Variants in GSTCD observed in about 807,000 individuals in gnomAD.
GSTCD encodes glutathione S-transferase C-terminal domain-containing protein.
In GSTCD, 44 loss-of-function variants were observed where a neutral mutation model predicts 68.3. The ratio of observed to expected loss-of-function variants is 0.64; its 90% CI spans 0.51 to 0.83. The LOEUF (loss-of-function observed/expected upper bound fraction) is 0.83. Ranked by LOEUF, GSTCD falls within the 40% of genes least tolerant of loss-of-function variation. The pLI is 0.00. For missense variants in GSTCD, 739 were observed against 735.9 expected, an observed-to-expected ratio of 1.00 and a Z score of -0.05; for synonymous variants, 273 against 255.2, an observed-to-expected ratio of 1.07 and a Z score of -0.67.
intron 5 of GSTCD, among the ~76,000 whole-genome samples, chr4:105,745,832 T>C (rs1196574765): frequency 6.6e-6 from 1 of 152,164 alleles, no homozygotes; most frequent in Non-Finnish European, 1.5e-5. Flanking sequence ...GATAGGTGCT[T>C]AGGTGTTGTT....
chr4:105,710,387 CTTTT>C (rs70941210), intron 1 of GSTCD, among the ~76,000 whole-genome samples: 1 of 123,708 alleles, frequency 8.1e-6, no homozygotes, highest in Non-Finnish European at 1.7e-5. Flanking sequence ...CACTCGGCTC[CTTTT>C]TTTTTTTTTT....
chr4:105,772,369 A>G (rs1299490896), intron 5 of GSTCD, among the ~76,000 whole-genome samples: 2 of 152,158 alleles, frequency 1.3e-5, no homozygotes, highest in African/African-American at 4.8e-5. Context: ...CTCTTGCCTG[A>G]TTGCCCTGAC....
intron 5 of GSTCD, among the ~76,000 whole-genome samples, chr4:105,750,158 C>T (rs910747544): frequency 1.3e-5 from 2 of 152,166 alleles, no homozygotes; most frequent in African/African-American, 4.8e-5. Context: ...CGGAATGTCT[C>T]GAATTGAAAA....
chr4:105,841,559 G>T (rs1270958699), intron 10 of GSTCD, among the ~76,000 whole-genome samples: 1 of 152,100 alleles, frequency 6.6e-6, no homozygotes, highest in Non-Finnish European at 1.5e-5. Context: ...GGCCAGCTGG[G>T]CATGGTGGCT....
chr4:105,824,258 A>G (rs1035562902), intron 7 of GSTCD, among the ~76,000 whole-genome samples: 9 of 152,202 alleles, frequency 5.9e-5, no homozygotes, highest in Non-Finnish European at 7.3e-5. Flanking sequence ...AGGAAAATAA[A>G]TAAGGAATCC....
intron 5 of GSTCD, among the ~76,000 whole-genome samples, chr4:105,810,628 C>G (rs1200574231): frequency 6.6e-6 from 1 of 151,970 alleles, no homozygotes; most frequent in African/African-American, 2.4e-5. Context: ...ACTTTATGTT[C>G]TCAGGATATT....
intron 1 of GSTCD, chr4:105,711,174 A>C (rs190307214): frequency 3.3e-5 from 5 of 152,320 alleles, no homozygotes; most frequent in Admixed American, 3.3e-4. Context: ...AGCATAAAAC[A>C]CAAGATAAGT....
At chr4:105,767,560 G>GC (rs1734667079) in intron 5 of GSTCD, among the ~76,000 whole-genome samples, 1 of 151,954 alleles carries the variant, frequency 6.6e-6, no homozygotes, top group African/African-American at 2.4e-5. Flanking sequence ...TTGACAAGTG[G>GC]CACATTTTCT....
At chr4:105,805,492 A>G (rs1332359048) in intron 5 of GSTCD, among the ~76,000 whole-genome samples, 1 of 151,960 alleles carries the variant, frequency 6.6e-6, no homozygotes, top group African/African-American at 2.4e-5. Context: ...TTCATCTGTC[A>G]TTTTGGGAGG....
intron 5 of GSTCD, among the ~76,000 whole-genome samples, chr4:105,813,931 A>C (rs1335178006): frequency 6.6e-6 from 1 of 152,178 alleles, no homozygotes; most frequent in Non-Finnish European, 1.5e-5. Context: ...CTGGAATGTA[A>C]ACATCACTCT....
At chr4:105,803,649 G>C (rs1736190771) in intron 5 of GSTCD, among the ~76,000 whole-genome samples, 1 of 151,456 alleles carries the variant, frequency 6.6e-6, no homozygotes, top group Non-Finnish European at 1.5e-5. Flanking sequence ...CTATCCACAG[G>C]AGAATGGACA....
At chr4:105,718,078 CA>C (rs1281653480) in intron 2 of GSTCD, 39 bp downstream of exon 2, 1 of 1,442,882 alleles carries the variant, frequency 6.9e-7, no homozygotes, top group Admixed American at 2.2e-5. Flanking sequence ...TGAAGCTACA[CA>C]GTGATAACAT....
intron 5 of GSTCD, among the ~76,000 whole-genome samples, chr4:105,799,862 A>G (rs1423537226): frequency 6.6e-6 from 1 of 152,132 alleles, no homozygotes; most frequent in African/African-American, 2.4e-5. Context: ...AGTATTTCTA[A>G]AGCACAATAA....
chr4:105,780,146 T>C (rs927831783), intron 5 of GSTCD, among the ~76,000 whole-genome samples: 3 of 152,202 alleles, frequency 2.0e-5, no homozygotes, highest in Non-Finnish European at 4.4e-5. Flanking sequence ...CTGCCATTTC[T>C]CATGATGGAC....
intron 10 of GSTCD, among the ~76,000 whole-genome samples, chr4:105,840,891 T>C (rs1724305776): frequency 6.6e-6 from 1 of 152,112 alleles, no homozygotes; most frequent in Non-Finnish European, 1.5e-5. Context: ...GCTTCTTTCC[T>C]CTAAAAGGAC....
intron 5 of GSTCD, among the ~76,000 whole-genome samples, chr4:105,732,217 G>A (rs1429474350): frequency 6.6e-6 from 1 of 152,206 alleles, no homozygotes; most frequent in East Asian, 1.9e-4. Flanking sequence ...AAATGAGTTA[G>A]GGAGGATTCC....
At position 105,821,721 on chromosome 4, in the gene GSTCD, G is replaced by A. The variant is rs143576024; in HGVS notation, c.1241-1233G>A. Among the ~76,000 whole-genome samples, 199 of 151,854 alleles carry A rather than the reference G, an allele frequency of 1.3e-3. 2 individuals are homozygous for A. Among genetic ancestry groups the A allele is most frequent in the African/African-American group, 4.6e-3 (192 of 41,490 alleles). ...AGGAAGCAACGCATTGACATGGAAA[G>A]ATATTTACAATATTTCATATTTTGT... On this transcript the variant is annotated intron_variant, in intron 5 of 11. Transcript: ENST00000515279.
chr4:105,777,957 A>G (rs762354331), intron 5 of GSTCD, among the ~76,000 whole-genome samples: 97 of 152,274 alleles, frequency 6.4e-4, no homozygotes, highest in Admixed American at 1.4e-3. Context: ...TTTAATACAT[A>G]TATTTAGGAG....
intron 5 of GSTCD, among the ~76,000 whole-genome samples, chr4:105,783,114 A>G (rs775850486): frequency 2.6e-5 from 4 of 152,120 alleles, no homozygotes; most frequent in Non-Finnish European, 5.9e-5. Context: ...AGAGGCATAA[A>G]TTTGGGCTGA....
Sources: gnomAD v4.1 joint callset for allele counts (sites outside exome capture counted in the v4.1 genomes callset) on GRCh38, gnomAD v4.1.1 for gene constraint, MANE v1.5 for transcripts, NCBI Gene and HGNC (gene_info 2026-07-23, HGNC 2026-07-21) for gene names.